The following TANC2 variants were observed in gnomAD, a reference collection of about 807,000 sequenced individuals.
TANC2 encodes protein TANC2.
TANC2 carries 26 observed loss-of-function variants against 210.5 expected under a neutral mutation model. That is an observed-to-expected ratio of 0.12 (90% CI 0.09 to 0.17). The LOEUF is 0.17. TANC2 is among the 10% of genes least tolerant of loss of function. The probability of loss-of-function intolerance (pLI) is 1.00; values close to 1 mark genes in which losing one functional copy is unlikely to be tolerated. For missense variants in TANC2, 2,129 were observed against 2,608.9 expected (o/e 0.82, Z 4.01); for synonymous variants, 931 against 967.1 (o/e 0.96, Z 0.69).
intron 5 of TANC2, among the ~76,000 whole-genome samples, chr17:63,193,007 T>C (rs1280316015): frequency 6.6e-6 from 1 of 152,158 alleles, no homozygotes; most frequent in Non-Finnish European, 1.5e-5. Context: ...GAATCTACAA[T>C]GAGAAAAATT....
chr17:63,401,227 AC>A (rs2147252136), intron 19 of TANC2, among the ~76,000 whole-genome samples: 1 of 152,282 alleles, frequency 6.6e-6, no homozygotes, highest in East Asian at 1.9e-4. Flanking sequence ...GTGGTCTGTG[AC>A]CCAAAGCTAG....
At chr17:63,218,710 A>G (rs1033337309) in intron 7 of TANC2, among the ~76,000 whole-genome samples, 4 of 152,158 alleles carry the variant, frequency 2.6e-5, no homozygotes, top group African/African-American at 9.7e-5. Flanking sequence ...AGCCTGGCCA[A>G]CATGGCGAAA....
chr17:63,068,027 C>T (rs376963233), intron 2 of TANC2, among the ~76,000 whole-genome samples: 16 of 152,226 alleles, frequency 1.1e-4, no homozygotes, highest in African/African-American at 3.9e-4. Context: ...GATCAATCTG[C>T]TGAAGACTAA....
At chr17:63,352,392 A>G (rs1268826154) in intron 13 of TANC2, among the ~76,000 whole-genome samples, 2 of 152,082 alleles carry the variant, frequency 1.3e-5, no homozygotes, top group Non-Finnish European at 2.9e-5. Flanking sequence ...CCTGGCCACC[A>G]CCTTACAGAT....
chr17:63,082,127 T>C (rs946868131), intron 3 of TANC2, among the ~76,000 whole-genome samples: 2 of 152,126 alleles, frequency 1.3e-5, no homozygotes, highest in African/African-American at 4.8e-5. Flanking sequence ...GCCAAGGTCT[T>C]GCCACTACAC....
At chr17:63,016,281 A>G (rs563709970) in intron 2 of TANC2, among the ~76,000 whole-genome samples, 1 of 152,256 alleles carries the variant, frequency 6.6e-6, no homozygotes, top group Non-Finnish European at 1.5e-5. Flanking sequence ...TATAGCAATT[A>G]AAAACATCAT....
At chr17:63,011,016 CCT>C (rs2033844928) in intron 2 of TANC2, among the ~76,000 whole-genome samples, 1 of 152,118 alleles carries the variant, frequency 6.6e-6, no homozygotes, top group South Asian at 2.1e-4. Flanking sequence ...GCCCATCTCT[CCT>C]CTCTAGAAAT....
intron 5 of TANC2, among the ~76,000 whole-genome samples, chr17:63,163,364 GA>G: frequency 6.6e-6 from 1 of 152,156 alleles, no homozygotes; most frequent in African/African-American, 2.4e-5. Context: ...GAGGCCAGAA[GA>G]TCATCTGTGT....
At chr17:63,155,375 TTTCTAAAATTTCTACAATGAAC>T (rs751889718) in intron 5 of TANC2, 6 of 152,144 alleles carry the variant, frequency 3.9e-5, no homozygotes, top group Admixed American at 2.6e-4. Flanking sequence ...TTTTCTGCAT[TTTCTAAAATTTCTACAATGAAC>T]TTCTGTTGAA....
intron 1 of TANC2, among the ~76,000 whole-genome samples, chr17:63,005,369 G>A (rs2033571762): frequency 2.6e-5 from 4 of 151,968 alleles, no homozygotes; most frequent in Non-Finnish European, 5.9e-5. Context: ...TTGAATTCAG[G>A]TGGTATAAAT....
rs372889830 is a variant in TANC2 at position 63,411,686 on chromosome 17, G to A, written c.3765G>A (p.Val1255=). Residue 1255 remains valine (V), a splice_region_variant and synonymous_variant, in exon 22 of 28, where the codon GTG becomes GTA. Transcript: ENST00000689528. The stretch of plus-strand genomic sequence containing the variant: ...CAGCTTTCTATGGCGATGCTGAGGT[G>A]GTAAGTACCTTTAAACAAGCCTCAA... 1.4e-5 allele frequency: 22 copies of A among 1,609,480 alleles called. No individual in the cohort carries two copies. In the African/African-American group the frequency reaches 2.9e-4, roughly 22 times the overall value.
chr17:62,991,659 AAAC>A (rs2032875152), intron 1 of TANC2, among the ~76,000 whole-genome samples: 1 of 151,884 alleles, frequency 6.6e-6, no homozygotes, highest in Non-Finnish European at 1.5e-5. Context: ...AAAAACAAAA[AAAC>A]AAACAAAAAA....
chr17:63,107,477 T>C (rs959814693), intron 4 of TANC2, among the ~76,000 whole-genome samples: 1 of 151,752 alleles, frequency 6.6e-6, no homozygotes, highest in Admixed American at 6.6e-5. Context: ...GGCATCAAAA[T>C]GTATAAAGTT....
chr17:63,278,454 TA>T (rs1468432910), intron 9 of TANC2, among the ~76,000 whole-genome samples: 1 of 151,866 alleles, frequency 6.6e-6, no homozygotes, highest in Non-Finnish European at 1.5e-5. Flanking sequence ...ACATGGCCAT[TA>T]TTTAAAAAAA....
At chr17:63,066,705 C>G (rs2036211282) in intron 2 of TANC2, among the ~76,000 whole-genome samples, 1 of 152,012 alleles carries the variant, frequency 6.6e-6, no homozygotes, top group Non-Finnish European at 1.5e-5. Flanking sequence ...AGCTATAGTA[C>G]CAAGAGTTGT....
chr17:63,410,884 A>G (rs1447100633), intron 21 of TANC2, among the ~76,000 whole-genome samples: 1 of 150,992 alleles, frequency 6.6e-6, no homozygotes, highest in East Asian at 1.9e-4. Flanking sequence ...AAAAAAAAAA[A>G]AAAAAGAAGC....
Position 63,331,858 on chromosome 17 carries a change from G to C in TANC2, c.1576-8243G>C, listed in dbSNP as rs947084789. 157 of 60,916 alleles carry C rather than the reference G, an allele frequency of 2.6e-3. 1 individual carries two copies. Among genetic ancestry groups the C allele is most frequent in the South Asian group, 0.014 (45 of 3,128 alleles). The allele number at this position is 60,916 out of a possible 1,614,324, so 3.8% of individuals were successfully genotyped here. On this transcript the variant is annotated intron_variant, in intron 11 of 27. Coordinates refer to ENST00000689528, the Ensembl canonical transcript of TANC2. ...AGAGTGTGTGTGTGTGTGTGTGTCTGTGTGTGTGTGTGTGTGTGTGTGTGT... is the reference window on the plus strand; with the variant it reads ...AGAGTGTGTGTGTGTGTGTGTGTCTCTGTGTGTGTGTGTGTGTGTGTGTGT...
chr17:63,229,119 C>T (rs111947287), intron 7 of TANC2, among the ~76,000 whole-genome samples: 85 of 152,138 alleles, frequency 5.6e-4, no homozygotes, highest in African/African-American at 2.0e-3. Flanking sequence ...GCTAGTTTAT[C>T]GAGAGTTTTC....
chr17:63,366,514 A>G (rs961201642), intron 14 of TANC2, among the ~76,000 whole-genome samples: 2 of 152,220 alleles, frequency 1.3e-5, no homozygotes, highest in African/African-American at 4.8e-5. Context: ...CTTCTGCCTC[A>G]TGAAGCCCTG....
Sources: allele counts gnomAD v4.1 joint callset (sites outside exome capture counted in the v4.1 genomes callset), GRCh38; gene constraint gnomAD v4.1.1; transcripts MANE v1.5; gene names NCBI Gene and HGNC (gene_info 2026-07-23, HGNC 2026-07-21).